The following SH2D1A variants were observed in gnomAD, a reference collection of about 807,000 sequenced individuals.
SH2D1A encodes the protein SH2 domain containing 1A.
SH2D1A carries 6 observed loss-of-function variants against 10.1 expected under a neutral mutation model. The observed-to-expected ratio is 0.60, with a 90% CI of 0.33 to 1.18. The LOEUF is 1.18. Among genes scored for constraint, SH2D1A ranks in the 50% most tolerant of loss-of-function variants. SH2D1A has a pLI of 0.04. For missense variants in SH2D1A, 51 were observed against 97.6 expected, an observed-to-expected ratio of 0.52 and a Z score of 2.01; for synonymous variants, 42 against 36.9, an observed-to-expected ratio of 1.14 and a Z score of -0.51.
intron 1 of SH2D1A, among the ~76,000 whole-genome samples, chrX:124,355,294 CT>C (rs2060023616): frequency 3.4e-4 from 1 of 2,929 alleles, no homozygotes; most frequent in African/African-American, 6.3e-3. Context: ...AGGTTGGTTG[CT>C]TCTTGCTTCT....
intron 1 of SH2D1A, 120 bp from the exon 2 acceptor site, chrX:124,365,641 A>G (rs893260989): frequency 3.2e-5 from 17 of 532,696 alleles, no homozygotes; most frequent in Non-Finnish European, 5.4e-5. Flanking sequence ...CTATGAATGC[A>G]ATGACACCAT....
At chrX:124,351,087 A>G (rs1273091410) in intron 1 of SH2D1A, among the ~76,000 whole-genome samples, 1 of 92,327 alleles carries the variant, frequency 1.1e-5, no homozygotes, top group East Asian at 3.1e-4. Context: ...ATTATTATAA[A>G]TATATATTTA....
chrX:124,360,080 A>G (rs929602836), intron 1 of SH2D1A, among the ~76,000 whole-genome samples: 40 of 110,340 alleles, frequency 3.6e-4, no homozygotes, highest in African/African-American at 1.3e-3. Flanking sequence ...TAATTTTTGT[A>G]TTTTTAGTAG....
chrX:124,353,624 G>A (rs914472637), intron 1 of SH2D1A, among the ~76,000 whole-genome samples: 1 of 110,586 alleles, frequency 9.0e-6, no homozygotes, highest in African/African-American at 3.3e-5. Flanking sequence ...CTGCCCAGTG[G>A]GATTGATGGT....
Position 124,365,819 on chromosome X carries a change from G to C in SH2D1A, c.196G>C (p.Ala66Pro), listed in dbSNP as rs770028051. The stretch of plus-strand genomic sequence containing the variant: ...CCAGACAGAAACAGGTTCTTGGAGT[G>C]CTGAGGTATAGTTGTATTTATTTTT... ...VSQTETGSWS[A>P]ETAPGVHKRY... is the part of the protein sequence containing the mutation. The change falls in exon 2 of 4, where the codon GCT becomes CCT. Residue 66 changes from alanine (A) to proline (P), a missense_variant. Transcript: ENST00000371139. 7 of 1,138,954 alleles carry C rather than the reference G, an allele frequency of 6.1e-6. No homozygotes were observed. The highest frequency in any genetic ancestry group is 8.4e-6 in the Non-Finnish European group (7 of 830,688). 93.9% of individuals were successfully genotyped at this position (1,138,954 alleles called of 1,213,427 possible). A position where few individuals can be genotyped will look rare whatever the true frequency, so the allele number is the denominator to read the frequency against.
At chrX:124,365,878 T>C in intron 2 of SH2D1A, 54 bp downstream of exon 2, 3 of 760,157 alleles carry the variant, frequency 3.9e-6, no homozygotes, top group Non-Finnish European at 6.2e-6. Flanking sequence ...ATTTGAAATT[T>C]AGGCTGGTTT....
rs1230442586 is a variant in SH2D1A, at chrX:124,371,377, C to T, written c.373C>T (p.Leu125=). ...TGIREDPDVC[L]KAP ...GATAAGAGAAGATCCTGATGTCTGC[C>T]TGAAAGCCCCATGAAGAAAAATAAA... Residue 125 remains leucine, a synonymous_variant, in exon 4 of 4, where the codon CTG becomes TTG. Transcript: ENST00000371139. The T allele has an allele frequency of 8.6e-7, 1 of 1,167,504 alleles. No individual in the cohort carries two copies. The highest frequency in any genetic ancestry group is 1.2e-6 in the Non-Finnish European group (1 of 858,425).
In SH2D1A at chrX:124,347,086, C is replaced by T. The variant is rs1481860533; in HGVS notation, c.137+307C>T. On this transcript the variant is annotated intron_variant, in intron 1 of 3. Transcript: ENST00000371139. ...ATGTGGTCCACAGTTTACCTTCGCTCCGGGAAAGACCCAGGCTCCCCACTT... is the reference window on the plus strand; with the variant it reads ...ATGTGGTCCACAGTTTACCTTCGCTTCGGGAAAGACCCAGGCTCCCCACTT... Among the ~76,000 whole-genome samples, 8 of 111,634 alleles carry T rather than the reference C, an allele frequency of 7.2e-5. No individual in the cohort carries two copies. The Admixed American group carries it at 7.6e-4, about 11-fold the overall frequency.
Position 124,372,217 on chromosome X carries a change from A to T in SH2D1A, c.*826A>T, listed in dbSNP as rs1359826574. The T allele has an allele frequency of 2.4e-5, 4 of 164,902 alleles. No individual in the cohort carries two copies. The East Asian group carries it at 3.5e-4, about 15-fold the overall frequency. The allele number at this position is 164,902 out of a possible 1,213,427, so 13.6% of individuals were successfully genotyped here. The stretch of plus-strand genomic sequence containing the variant: ...ACAAGCCTCCTTTTAAAGTAACCCT[A>T]CAAAACCACTGGAAAGTTTATGGTT... On this transcript the variant is annotated 3_prime_UTR_variant, in exon 4 of 4. Transcript: ENST00000371139.
At chrX:124,357,625 C>G (rs1049377244) in intron 1 of SH2D1A, among the ~76,000 whole-genome samples, 2 of 111,482 alleles carry the variant, frequency 1.8e-5, no homozygotes, top group Non-Finnish European at 3.8e-5. Context: ...TGCAAGGGTT[C>G]CCTTCTCTCT....
chrX:124,356,478 C>G (rs2060026892), intron 1 of SH2D1A, among the ~76,000 whole-genome samples: 1 of 112,417 alleles, frequency 8.9e-6, no homozygotes, highest in South Asian at 3.7e-4. Context: ...GACGGAGTCT[C>G]TCTCTGTCGC....
At chrX:124,347,538 A>G (rs2059996803) in intron 1 of SH2D1A, among the ~76,000 whole-genome samples, 1 of 111,748 alleles carries the variant, frequency 8.9e-6, no homozygotes. Flanking sequence ...TCTTTGCTCC[A>G]GGGCTCCGGA....
chrX:124,355,449 G>A (rs1198080744), intron 1 of SH2D1A, among the ~76,000 whole-genome samples: 3 of 111,708 alleles, frequency 2.7e-5, no homozygotes, highest in Non-Finnish European at 5.6e-5. Flanking sequence ...AAACTCCACC[G>A]TTCTTTAACA....
At chrX:124,357,944 C>T (rs182696030) in intron 1 of SH2D1A, among the ~76,000 whole-genome samples, 71 of 109,779 alleles carry the variant, frequency 6.5e-4, no homozygotes, top group Admixed American at 1.5e-3. Flanking sequence ...CTCAGACTCC[C>T]GAGTAGCTGC....
intron 1 of SH2D1A, 78 bp downstream of exon 1, chrX:124,346,857 C>T: frequency 8.7e-7 from 1 of 1,147,918 alleles, no homozygotes; most frequent in Non-Finnish European, 1.2e-6. Flanking sequence ...GGGTGGAGGC[C>T]GAGGCAGGCA....
intron 3 of SH2D1A, 108 bp downstream of exon 3, chrX:124,370,428 G>C (rs1323589868): frequency 4.7e-6 from 3 of 641,569 alleles, no homozygotes; most frequent in Admixed American, 4.7e-5. Context: ...AATGCAGTGA[G>C]AAAGTAGATG....
chrX:124,350,522 TAC>T (rs1264912753), intron 1 of SH2D1A, among the ~76,000 whole-genome samples: 30 of 42,840 alleles, frequency 7.0e-4, no homozygotes, highest in African/African-American at 2.9e-3. Flanking sequence ...ATATATTATA[TAC>T]TATATATAAT....
chrX:124,366,985 A>G (rs2060057147), intron 2 of SH2D1A, among the ~76,000 whole-genome samples: 1 of 110,450 alleles, frequency 9.1e-6, no homozygotes, highest in Non-Finnish European at 1.9e-5. Flanking sequence ...GCTGCTGAAG[A>G]ATATTATGTA....
chrX:124,351,014 TTATATATTATTATAAATATATATATTTTA>T (rs1569527269), intron 1 of SH2D1A, among the ~76,000 whole-genome samples: 2 of 88,128 alleles, frequency 2.3e-5, no homozygotes, highest in Non-Finnish European at 4.2e-5. Flanking sequence ...ATGTATATTT[TTATATATTATTATAAATATATATATTTTA>T]TATATATTAT....
Sources: allele counts gnomAD v4.1 joint callset (sites outside exome capture counted in the v4.1 genomes callset), GRCh38; gene constraint gnomAD v4.1.1; transcripts MANE v1.5; gene names NCBI Gene and HGNC (gene_info 2026-07-23, HGNC 2026-07-21).